CBFA2T2: variants seen among roughly 807,000 people sequenced by gnomAD.
CBFA2T2 encodes protein CBFA2T2.
In CBFA2T2, 11 loss-of-function variants were observed where a neutral mutation model predicts 62.2. That is an observed-to-expected ratio of 0.18 (90% CI 0.11 to 0.29). The LOEUF (loss-of-function observed/expected upper bound fraction) is 0.29. Among genes scored for constraint, CBFA2T2 ranks in the 10% least tolerant of loss-of-function variants. The probability of loss-of-function intolerance (pLI) is 1.00; values close to 1 mark genes in which losing one functional copy is unlikely to be tolerated. For missense variants in CBFA2T2, 592 were observed against 774.1 expected (o/e 0.76, Z 2.79); for synonymous variants, 295 against 287.5 (o/e 1.03, Z -0.27).
chr20:33,586,900 T>C (rs2014392236), intron 1 of CBFA2T2, among the ~76,000 whole-genome samples: 1 of 152,208 alleles, frequency 6.6e-6, no homozygotes, highest in South Asian at 2.1e-4. Context: ...CATAGAATTG[T>C]CTCTACCTAA....
At chr20:33,571,749 A>G (rs911862403) in intron 1 of CBFA2T2, among the ~76,000 whole-genome samples, 4 of 152,106 alleles carry the variant, frequency 2.6e-5, no homozygotes, top group Admixed American at 2.6e-4. Context: ...TAAGTAGTAC[A>G]CTCTTTTTGC....
At chr20:33,614,580 C>T (rs2015642015) in intron 3 of CBFA2T2, among the ~76,000 whole-genome samples, 1 of 152,168 alleles carries the variant, frequency 6.6e-6, no homozygotes, top group Admixed American at 6.5e-5. Flanking sequence ...TCTCCCTAGA[C>T]CCTGGCAATT....
rs755250770 is a variant in CBFA2T2 at position 33,624,929 on chromosome 20, C to T, written c.858C>T (p.Thr286=). ...HPTPPPLQHY[T]LEDIATSHLY... ...CCCCTCCACCTCTTCAGCATTACAC[C>T]TTAGAGGATATTGCAACTTCTCACC... The change falls in exon 6 of 11, where the codon ACC becomes ACT. Residue 286 remains threonine (T), a synonymous_variant. Transcript: ENST00000342704. The T allele has an allele frequency of 1.2e-6, 2 of 1,613,920 alleles. No homozygotes were observed. The highest frequency in any genetic ancestry group is 2.2e-5 in the East Asian group (1 of 44,884).
Position 33,506,491 on chromosome 20 carries a change from G to A in CBFA2T2, c.34+16190G>A, listed in dbSNP as rs2011406050. On this transcript the variant is annotated intron_variant, in intron 1 of 10. Transcript: ENST00000342704. ...TAACAACTGTATTATGGAGCTGTTA[G>A]ATGCAGGGATTGCGCTAAGTGCCAT... 2.0e-5 allele frequency among the ~76,000 whole-genome samples: 3 copies of A among 152,290 alleles called. 1 individual carries two copies. The South Asian group carries it at 6.2e-4, about 32-fold the overall frequency.
intron 1 of CBFA2T2, among the ~76,000 whole-genome samples, chr20:33,504,403 CTTTTTTTT>C (rs533648842): frequency 8.5e-6 from 1 of 117,552 alleles, no homozygotes; most frequent in African/African-American, 3.3e-5. Context: ...TCATATTTAA[CTTTTTTTT>C]TTTTTTTTTT....
intron 1 of CBFA2T2, 44 bp from the exon 2 acceptor site, chr20:33,606,912 A>G: frequency 3.8e-6 from 6 of 1,591,252 alleles, no homozygotes; most frequent in Non-Finnish European, 5.1e-6. Context: ...TGTTTTTGCA[A>G]ACTTTTAGAA....
chr20:33,534,898 TATA>T (rs796378520), intron 1 of CBFA2T2, among the ~76,000 whole-genome samples: 3 of 151,816 alleles, frequency 2.0e-5, no homozygotes, highest in African/African-American at 7.3e-5. Context: ...CCATAACAGA[TATA>T]ATAATAATGA....
At chr20:33,621,591 G>A (rs757900700) in intron 4 of CBFA2T2, among the ~76,000 whole-genome samples, 7 of 152,004 alleles carry the variant, frequency 4.6e-5, no homozygotes, top group Non-Finnish European at 8.8e-5. Flanking sequence ...GTGAGCCACC[G>A]TGCCCAGCGT....
chr20:33,546,683 A>G (rs1209304661), intron 1 of CBFA2T2, among the ~76,000 whole-genome samples: 3 of 151,146 alleles, frequency 2.0e-5, no homozygotes, highest in South Asian at 2.1e-4. Flanking sequence ...ATTTTTTTAT[A>G]GAGGTCTCCC....
intron 3 of CBFA2T2, among the ~76,000 whole-genome samples, chr20:33,612,049 C>A (rs1380861961): frequency 2.0e-5 from 3 of 152,126 alleles, no homozygotes; most frequent in African/African-American, 4.8e-5. Context: ...ACAATGATTT[C>A]TAAAATTACA....
chr20:33,593,037 T>C (rs2014729735), intron 1 of CBFA2T2, among the ~76,000 whole-genome samples: 1 of 152,130 alleles, frequency 6.6e-6, no homozygotes, highest in Non-Finnish European at 1.5e-5. Flanking sequence ...TTCTTTCACA[T>C]TGAAAAATTA....
chr20:33,649,138 C>T lies in CBFA2T2; in HGVS notation c.*4492C>T, dbSNP rs560124241. ...AAACAAGGTTTCCAGGCTCCCAGGT[C>T]AGTAGACCAAACCAACTTCCTTAGA... On this transcript the variant is annotated 3_prime_UTR_variant, in exon 11 of 11. Transcript: ENST00000342704. 2.2e-4 allele frequency: 34 copies of T among 152,240 alleles called. No homozygotes were observed. In the East Asian group the frequency reaches 6.4e-3, roughly 29 times the overall value. 9.4% of individuals were successfully genotyped at this position (152,240 alleles called of 1,614,324 possible).
At chr20:33,537,230 A>G (rs1463820283) in intron 1 of CBFA2T2, among the ~76,000 whole-genome samples, 1 of 152,256 alleles carries the variant, frequency 6.6e-6, no homozygotes, top group African/African-American at 2.4e-5. Flanking sequence ...TCCGTCTGCA[A>G]TCCCGGCACC....
In CBFA2T2 at chr20:33,649,988, A is replaced by AGTT. The variant is rs1416127823; in HGVS notation, c.*5343_*5345dup. The stretch of plus-strand genomic sequence containing the variant: ...AACCAAAACTGTTAAATATGTATTT[A>AGTT]GTTTGTTCTACTTAAAGTAGTCAAT... On this transcript the variant is annotated 3_prime_UTR_variant, in exon 11 of 11. Coordinates refer to ENST00000342704, the MANE Select transcript of CBFA2T2 (RefSeq NM_001032999.3). 2.0e-5 allele frequency: 3 copies of AGTT among 152,636 alleles called. No individual in the cohort carries two copies. Among genetic ancestry groups the AGTT allele is most frequent in the Non-Finnish European group, 4.4e-5 (3 of 68,040 alleles). 9.5% of individuals were successfully genotyped at this position (152,636 alleles called of 1,614,324 possible).
intron 1 of CBFA2T2, among the ~76,000 whole-genome samples, chr20:33,531,444 A>G (rs1330158345): frequency 6.6e-6 from 1 of 152,152 alleles, no homozygotes; most frequent in African/African-American, 2.4e-5. Flanking sequence ...TTTGAAATGC[A>G]TTTTTGTTGG....
At chr20:33,519,784 A>G (rs1224106076) in intron 1 of CBFA2T2, among the ~76,000 whole-genome samples, 1 of 152,122 alleles carries the variant, frequency 6.6e-6, no homozygotes, top group Non-Finnish European at 1.5e-5. Flanking sequence ...TCTTAGAGGT[A>G]ACCTGAAGAC....
intron 1 of CBFA2T2, among the ~76,000 whole-genome samples, chr20:33,506,130 G>A (rs1179485946): frequency 2.6e-5 from 4 of 151,978 alleles, no homozygotes; most frequent in Non-Finnish European, 5.9e-5. Flanking sequence ...AGAAGGGGCT[G>A]GGTATGGTGG....
chr20:33,595,086 A>G lies in CBFA2T2; in HGVS notation c.35-11870A>G, dbSNP rs189388064. Among the ~76,000 whole-genome samples, 102 of 152,390 alleles carry G rather than the reference A, an allele frequency of 6.7e-4. 3 individuals carry two copies. The East Asian group carries it at 0.015, about 23-fold the overall frequency. On this transcript the variant is annotated intron_variant, in intron 1 of 10. Coordinates refer to ENST00000342704, the MANE Select transcript of CBFA2T2 (RefSeq NM_001032999.3). ...TAACTTGCATTAAGGTTATCAACAG[A>G]CTTGGCAATTACAATATATCTTTAA... is the stretch of plus-strand genomic sequence containing the variant.
rs147505209 is a variant in CBFA2T2 at position 33,644,974 on chromosome 20, G to T, written c.*328G>T. 66 of 286,246 alleles carry T rather than the reference G, an allele frequency of 2.3e-4. No homozygotes were observed. The highest frequency in any genetic ancestry group is 2.1e-3 in the Middle Eastern group (2 of 956). The allele number at this position is 286,246 out of a possible 1,614,324, so 17.7% of individuals were successfully genotyped here. On this transcript the variant is annotated 3_prime_UTR_variant, in exon 11 of 11. Transcript: ENST00000342704. ...CCAGCTCCCCTCCCCATCTCCTTGA[G>T]TCAGCAGACTGTCCAATGTGCTCAG...
Sources: gnomAD v4.1 joint callset for allele counts (sites outside exome capture counted in the v4.1 genomes callset) on GRCh38, gnomAD v4.1.1 for gene constraint, MANE v1.5 for transcripts, NCBI Gene and HGNC (gene_info 2026-07-23, HGNC 2026-07-21) for gene names.